Variants in VWA8 observed in about 807,000 individuals in gnomAD.
VWA8 encodes the protein von Willebrand factor A domain containing 8, also known as von Willebrand factor A domain-containing protein 8.
In VWA8, 221 loss-of-function variants were observed where a neutral mutation model predicts 241.5. That is an observed-to-expected ratio of 0.91 (90% CI 0.82 to 1.02). The LOEUF is 1.02. Among genes scored for constraint, VWA8 ranks in the 50% least tolerant of loss-of-function variants. The pLI, the probability that VWA8 is intolerant of heterozygous loss-of-function variation, is 0.00. For missense variants in VWA8, 2,322 were observed against 2,328.7 expected, an observed-to-expected ratio of 1.00 and a Z score of 0.06; for synonymous variants, 852 against 827.1, an observed-to-expected ratio of 1.03 and a Z score of -0.52.
At chr13:41,690,334 G>C (rs960927552) in intron 32 of VWA8, 59 bp from the exon 33 acceptor site, 6 of 1,395,708 alleles carry the variant, frequency 4.3e-6, no homozygotes, top group Non-Finnish European at 5.9e-6. Flanking sequence ...ATAGTAATAA[G>C]GCCAGACTAA....
At chr13:41,590,281 T>TA (rs1338852621) in intron 41 of VWA8, among the ~76,000 whole-genome samples, 1 of 152,222 alleles carries the variant, frequency 6.6e-6, no homozygotes, top group African/African-American at 2.4e-5. Context: ...TCTGCCCTTT[T>TA]AGGCCTCAGA....
intron 14 of VWA8, among the ~76,000 whole-genome samples, chr13:41,820,472 T>C (rs1870904440): frequency 6.6e-6 from 1 of 152,132 alleles, no homozygotes; most frequent in Admixed American, 6.5e-5. Context: ...GACGGCATGA[T>C]CTGTAATTTT....
chr13:41,585,892 GA>G (rs1055522862), intron 42 of VWA8, among the ~76,000 whole-genome samples: 73 of 140,264 alleles, frequency 5.2e-4, no homozygotes, highest in Non-Finnish European at 8.4e-4. Context: ...AAAAGAAAAA[GA>G]AAAAAAAAAC....
chr13:41,803,620 G>A (rs118109810), intron 17 of VWA8, among the ~76,000 whole-genome samples: 44 of 152,180 alleles, frequency 2.9e-4, no homozygotes, highest in Non-Finnish European at 4.1e-4. Context: ...GGAAAGATCC[G>A]CCCCCGTGAT....
At chr13:41,589,869 A>G (rs1359905742) in intron 41 of VWA8, among the ~76,000 whole-genome samples, 1 of 152,148 alleles carries the variant, frequency 6.6e-6, no homozygotes, top group Non-Finnish European at 1.5e-5. Flanking sequence ...AAAATCATCT[A>G]CACTTCTCCA....
intron 29 of VWA8, among the ~76,000 whole-genome samples, chr13:41,696,719 A>C (rs2045217800): frequency 6.6e-6 from 1 of 150,680 alleles, no homozygotes; most frequent in African/African-American, 2.4e-5. Flanking sequence ...TCAGCATTTA[A>C]CAATTGATCC....
Position 41,605,220 on chromosome 13 carries a change from C to T in VWA8, c.4934G>A (p.Gly1645Asp), listed in dbSNP as rs776380710. 1.2e-6 allele frequency: 2 copies of T among 1,613,202 alleles called. No homozygotes were observed. The highest frequency in any genetic ancestry group is 1.7e-6 in the Non-Finnish European group (2 of 1,179,386). Residue 1645 changes from glycine (G) to aspartate (D), a missense_variant, in exon 40 of 45, where the codon GGT becomes GAT. Gly to Asp is a moderately conservative substitution (Grantham distance 94, BLOSUM62 -1). Coordinates refer to ENST00000379310, the MANE Select transcript of VWA8 (RefSeq NM_015058.2). ...YDAATYERFS[G>D]AVRRQVHSLR... Reference sequence around the variant, plus strand: ...GGAGTGCACCTGTCGCCGAACAGCACCTGAAAACCTTTCATAGGTTGCAGC... The same window carrying T: ...GGAGTGCACCTGTCGCCGAACAGCATCTGAAAACCTTTCATAGGTTGCAGC...
intron 43 of VWA8, among the ~76,000 whole-genome samples, chr13:41,573,486 A>AT (rs1555303592): frequency 0.065 from 7,356 of 113,406 alleles, 275 homozygotes; most frequent in South Asian, 0.11. Context: ...AAAAAAAAAA[A>AT]ATATATATAT....
chr13:41,609,111 G>C (rs1261122661), intron 39 of VWA8, among the ~76,000 whole-genome samples: 2 of 152,188 alleles, frequency 1.3e-5, no homozygotes, highest in Non-Finnish European at 2.9e-5. Flanking sequence ...TCTTGGTGTA[G>C]GTCCTGGGGT....
At chr13:41,915,041 TTGTC>T (rs1876186438) in intron 2 of VWA8, among the ~76,000 whole-genome samples, 1 of 152,338 alleles carries the variant, frequency 6.6e-6, no homozygotes, top group South Asian at 2.1e-4. Context: ...CCCTCATAAA[TTGTC>T]TGTATAATAA....
chr13:41,960,730 T>A (rs1180654106), intron 1 of VWA8, 123 bp downstream of exon 1: 2 of 1,333,154 alleles, frequency 1.5e-6, no homozygotes, highest in Non-Finnish European at 1.9e-6. Flanking sequence ...ATCTTTCAGC[T>A]CCCCGCTCGG....
intron 2 of VWA8, among the ~76,000 whole-genome samples, chr13:41,935,840 C>T (rs1877325300): frequency 1.3e-5 from 2 of 151,534 alleles, no homozygotes; most frequent in East Asian, 3.9e-4. Flanking sequence ...TTAACTATAA[C>T]ACTCTCTAGG....
rs10544998 is a variant in VWA8, at chr13:41,884,890, TATACATACATACATACATACATAC to T, written c.975+1006_975+1029del. Among the ~76,000 whole-genome samples the T allele has an allele frequency of 6.3e-4, 95 of 150,056 alleles. 1 individual carries two copies. The highest frequency in any genetic ancestry group is 2.1e-3 in the African/African-American group (86 of 40,568). On this transcript the variant is annotated intron_variant, in intron 8 of 44. Transcript: ENST00000379310. Reference sequence around the variant, plus strand: ...CCCTGACTCACATGAAACATACATATATACATACATACATACATACATACATACATACATACATACATACAAGTT... The same window carrying T: ...CCCTGACTCACATGAAACATACATATATACATACATACATACATACAAGTT...
At chr13:41,945,963 A>G (rs1445624500) in intron 2 of VWA8, among the ~76,000 whole-genome samples, 3 of 152,198 alleles carry the variant, frequency 2.0e-5, no homozygotes, top group Admixed American at 1.3e-4. Flanking sequence ...ATCTGCACTT[A>G]GACACATCCA....
chr13:41,841,564 A>C lies in VWA8; in HGVS notation c.1426-8033T>G, dbSNP rs150657259. ...CACTTTGGGAGGCCGAGGCAGGTGG[A>C]TCACGAGGTCAGGAGATCGAGACCA... On this transcript the variant is annotated intron_variant, in intron 12 of 44. Transcript: ENST00000379310. 5.0e-3 allele frequency among the ~76,000 whole-genome samples: 754 copies of C among 151,326 alleles called. 3 individuals carry two copies. The highest frequency in any genetic ancestry group is 7.2e-3 in the Non-Finnish European group (491 of 67,800).
chr13:41,863,446 TATATATATTCAC>T (rs1566485463), intron 12 of VWA8, among the ~76,000 whole-genome samples: 9 of 108,310 alleles, frequency 8.3e-5, no homozygotes, highest in Admixed American at 3.8e-4. Context: ...TATATATATA[TATATATATTCAC>T]ACACACACAC....
chr13:41,623,965 C>T (rs2044673297), intron 37 of VWA8, among the ~76,000 whole-genome samples: 2 of 152,014 alleles, frequency 1.3e-5, no homozygotes, highest in African/African-American at 2.4e-5. Flanking sequence ...CAAATAAACA[C>T]AATTAGAAAT....
intron 19 of VWA8, among the ~76,000 whole-genome samples, 155 bp downstream of exon 19, chr13:41,783,639 GA>G (rs150170475): frequency 0.08 from 8,934 of 111,736 alleles, 313 homozygotes; most frequent in East Asian, 0.14. Context: ...CTGCATCACA[GA>G]AAAAAAAAAA....
rs1416626531 is a variant in VWA8 at position 41,961,052 on chromosome 13, C to A, written c.-37G>T. 1 of 1,353,622 alleles carries A rather than the reference C, an allele frequency of 7.4e-7. No individual in the cohort carries two copies. 83.9% of individuals were successfully genotyped at this position (1,353,622 alleles called of 1,614,324 possible). A position where few individuals can be genotyped will look rare whatever the true frequency, so the allele number is the denominator to read the frequency against. Reference sequence around the variant, plus strand: ...GGCTGTCGGGGACGGCGAGGGGGCTCGGGGATCGAGCGGCGTCCCGTGCAG... The same window carrying A: ...GGCTGTCGGGGACGGCGAGGGGGCTAGGGGATCGAGCGGCGTCCCGTGCAG... On this transcript the variant is annotated 5_prime_UTR_variant, in exon 1 of 45. Coordinates refer to ENST00000379310, the MANE Select transcript of VWA8 (RefSeq NM_015058.2).
Sources: gnomAD v4.1 joint callset for allele counts (sites outside exome capture counted in the v4.1 genomes callset) on GRCh38, gnomAD v4.1.1 for gene constraint, MANE v1.5 for transcripts, NCBI Gene and HGNC (gene_info 2026-07-23, HGNC 2026-07-21) for gene names.